OPCML: variants seen among roughly 807,000 people sequenced by gnomAD.
OPCML encodes the protein opioid-binding protein/cell adhesion molecule.
Under a neutral mutation model 37.8 loss-of-function variants are expected in OPCML, and 13 were observed. The ratio of observed to expected loss-of-function variants is 0.34; its 90% CI spans 0.22 to 0.55. The LOEUF is 0.55. OPCML is among the 20% of genes least tolerant of loss of function. The pLI is 0.91. For synonymous variants in OPCML, 176 were observed against 168.8 expected, an observed-to-expected ratio of 1.04 and a Z score of -0.33; for missense variants, 341 against 435.6, an observed-to-expected ratio of 0.78 and a Z score of 1.93.
chr11:133,419,708 T>A (rs566994475), intron 1 of OPCML, among the ~76,000 whole-genome samples: 2 of 152,160 alleles, frequency 1.3e-5, no homozygotes, highest in African/African-American at 2.4e-5. Flanking sequence ...GCTTGACTGT[T>A]TTTTTTATTG....
At chr11:132,682,857 C>T (rs530127240) in intron 2 of OPCML, among the ~76,000 whole-genome samples, 20 of 152,308 alleles carry the variant, frequency 1.3e-4, no homozygotes, top group East Asian at 1.2e-3. Context: ...GTGTCATTCC[C>T]CTGCATGTGG....
At chr11:133,022,170 T>G (rs1170547193) in intron 1 of OPCML, among the ~76,000 whole-genome samples, 1 of 152,046 alleles carries the variant, frequency 6.6e-6, no homozygotes, top group Non-Finnish European at 1.5e-5. Flanking sequence ...GATGACACAT[T>G]TTTCTGGAGA....
Position 133,191,504 on chromosome 11 carries a change from G to GGGGTGT in OPCML, c.62-248495_62-248494insACACCC, listed in dbSNP as rs772369397. Among the ~76,000 whole-genome samples the GGGGTGT allele has an allele frequency of 4.5e-3, 635 of 142,450 alleles. 6 individuals carry two copies. The highest frequency in any genetic ancestry group is 0.014 in the African/African-American group (528 of 38,358). 93.5% of individuals were successfully genotyped at this position (142,450 alleles called of 152,430 possible). ...TATCTTTTTCTTTTCTGTGTGTGTG[G>GGGGTGT]GTGTGTGTGTGTGTGTGTGTGTGTG... On this transcript the variant is annotated intron_variant, in intron 1 of 7. Transcript: ENST00000524381.
chr11:133,166,336 T>G (rs1472295989), intron 1 of OPCML, among the ~76,000 whole-genome samples: 1 of 152,188 alleles, frequency 6.6e-6, no homozygotes, highest in Non-Finnish European at 1.5e-5. Context: ...AATAGCCAGG[T>G]AGTAGTAAGT....
intron 1 of OPCML, among the ~76,000 whole-genome samples, chr11:133,278,179 T>TGGGAAGCACCCAAATGCCAC (rs2136500469): frequency 6.6e-6 from 1 of 152,260 alleles, no homozygotes; most frequent in East Asian, 1.9e-4. Flanking sequence ...TCTCTTGGCA[T>TGGGAAGCACCCAAATGCCAC]GGGAAGCACC....
rs1279251031 is a variant in OPCML, at chr11:132,861,639, A to C, written c.146+81287T>G. Reference sequence around the variant, plus strand: ...ATCACGAGGTCAGGAGATTGAGACCATCCTGGCTAACACGGTGAAACCCTG... The same window carrying C: ...ATCACGAGGTCAGGAGATTGAGACCCTCCTGGCTAACACGGTGAAACCCTG... On this transcript the variant is annotated intron_variant, in intron 2 of 7. Coordinates refer to ENST00000524381, the MANE Select transcript of OPCML (RefSeq NM_001012393.5). Among the ~76,000 whole-genome samples, 3 of 152,242 alleles carry C rather than the reference A, an allele frequency of 2.0e-5. No homozygotes were observed. In the South Asian group the frequency reaches 6.2e-4, roughly 32 times the overall value.
chr11:132,873,562 GA>G (rs1173828303), intron 2 of OPCML, among the ~76,000 whole-genome samples: 1 of 152,138 alleles, frequency 6.6e-6, no homozygotes, highest in East Asian at 1.9e-4. Flanking sequence ...TTGGGAATGG[GA>G]AAAGATAAGG....
At chr11:132,731,176 G>A (rs1352902628) in intron 2 of OPCML, among the ~76,000 whole-genome samples, 1 of 152,192 alleles carries the variant, frequency 6.6e-6, no homozygotes, top group Admixed American at 6.5e-5. Flanking sequence ...TTTAATTAAT[G>A]TGTATTTAAA....
At chr11:132,779,950 TTTG>T (rs1218973889) in intron 2 of OPCML, among the ~76,000 whole-genome samples, 3 of 152,346 alleles carry the variant, frequency 2.0e-5, no homozygotes, top group East Asian at 3.9e-4. Context: ...TACTTATTTT[TTTG>T]TTGTTGTTGT....
intron 2 of OPCML, among the ~76,000 whole-genome samples, chr11:132,937,627 T>C (rs996823365): frequency 6.2e-5 from 9 of 144,730 alleles, no homozygotes; most frequent in African/African-American, 2.5e-4. Context: ...TGTGTGTGTG[T>C]GTGTGTGTGC....
chr11:133,044,223 C>G lies in OPCML; in HGVS notation c.62-101213G>C, dbSNP rs368632303. On this transcript the variant is annotated intron_variant, in intron 1 of 7. Coordinates refer to ENST00000524381, the MANE Select transcript of OPCML (RefSeq NM_001012393.5). The stretch of plus-strand genomic sequence containing the variant: ...TGGATGGGTGTGCATGGGTGCATAT[C>G]CACGTGCATCCTTCTGCTGAAGGTG... Among the ~76,000 whole-genome samples the G allele has an allele frequency of 9.5e-4, 145 of 152,218 alleles. No individual in the cohort carries two copies. The South Asian group carries it at 0.018, about 19-fold the overall frequency.
chr11:133,233,412 A>G (rs1164123711), intron 1 of OPCML, among the ~76,000 whole-genome samples: 2 of 152,192 alleles, frequency 1.3e-5, no homozygotes, highest in African/African-American at 4.8e-5. Flanking sequence ...CCCTCCCTGT[A>G]CCAGGAAGAG....
intron 2 of OPCML, among the ~76,000 whole-genome samples, chr11:132,934,995 C>A (rs1405326087): frequency 2.6e-5 from 4 of 151,956 alleles, no homozygotes; most frequent in African/African-American, 9.7e-5. Flanking sequence ...CAAAATAACC[C>A]GGGCATGGTG....
chr11:133,479,308 G>C (rs529809629), intron 1 of OPCML, among the ~76,000 whole-genome samples: 74 of 152,240 alleles, frequency 4.9e-4, no homozygotes, highest in African/African-American at 1.7e-3. Flanking sequence ...GCACATTCAT[G>C]GCCATCACAA....
intron 1 of OPCML, among the ~76,000 whole-genome samples, chr11:133,116,654 G>A (rs559044641): frequency 2.3e-4 from 35 of 152,234 alleles, no homozygotes; most frequent in African/African-American, 6.7e-4. Flanking sequence ...TCATTAGGAG[G>A]CATGTGAAAT....
At chr11:133,482,938 T>A (rs995592699) in intron 1 of OPCML, among the ~76,000 whole-genome samples, 3 of 152,060 alleles carry the variant, frequency 2.0e-5, no homozygotes, top group Non-Finnish European at 4.4e-5. Context: ...AAATTAAAAA[T>A]TCACTTCAAC....
intron 3 of OPCML, among the ~76,000 whole-genome samples, chr11:132,613,366 T>G (rs1460682815): frequency 6.6e-6 from 1 of 152,178 alleles, no homozygotes; most frequent in Non-Finnish European, 1.5e-5. Context: ...TTAAATCAAT[T>G]CAAGAAAACC....
chr11:133,381,736 A>G (rs1944933959), intron 1 of OPCML, among the ~76,000 whole-genome samples: 1 of 152,240 alleles, frequency 6.6e-6, no homozygotes, highest in Non-Finnish European at 1.5e-5. Context: ...CAAAGGATCT[A>G]TGATTCCAGG....
At chr11:132,966,570 T>C (rs1946219395) in intron 1 of OPCML, among the ~76,000 whole-genome samples, 1 of 152,132 alleles carries the variant, frequency 6.6e-6, no homozygotes. Context: ...TGGTTATAGT[T>C]GGTTCATAAT....
Sources: allele counts gnomAD v4.1 joint callset (sites outside exome capture counted in the v4.1 genomes callset), GRCh38; gene constraint gnomAD v4.1.1; transcripts MANE v1.5; gene names NCBI Gene and HGNC (gene_info 2026-07-23, HGNC 2026-07-21).